EEF1E1: variants seen among roughly 807,000 people sequenced by gnomAD.
The protein encoded by EEF1E1 is eukaryotic translation elongation factor 1 epsilon 1, also known as eukaryotic translation elongation factor 1 epsilon-1.
In EEF1E1, 19 loss-of-function variants were observed where a neutral mutation model predicts 19.9. The ratio of observed to expected loss-of-function variants is 0.95; its 90% CI spans 0.66 to 1.40. EEF1E1 has a LOEUF of 1.40. Ranked by LOEUF, EEF1E1 falls within the 40% of genes most tolerant of loss-of-function variation. The pLI is 0.00. For missense variants in EEF1E1, 198 were observed against 202.2 expected, an observed-to-expected ratio of 0.98 and a Z score of 0.13; for synonymous variants, 81 against 80.0, an observed-to-expected ratio of 1.01 and a Z score of -0.07.
At chr6:8,075,554 T>A (rs1402448983), downstream of EEF1E1, among the ~76,000 whole-genome samples, 1 of 152,090 alleles carries the variant, frequency 6.6e-6, no homozygotes, top group Non-Finnish European at 1.5e-5. Context: ...GCACCTTAAC[T>A]AAAAAAAATT....
intron 3 of EEF1E1, among the ~76,000 whole-genome samples, chr6:8,080,787 C>T (rs1255828208): frequency 2.0e-5 from 3 of 152,194 alleles, no homozygotes; most frequent in African/African-American, 7.2e-5. Context: ...TGGGTGGTGT[C>T]GTTCCTTCTC....
chr6:8,087,375 G>A (rs1369551411), intron 3 of EEF1E1, among the ~76,000 whole-genome samples: 3 of 152,326 alleles, frequency 2.0e-5, no homozygotes, highest in East Asian at 1.9e-4. Flanking sequence ...GCGCCACCAC[G>A]CCTGGCTGAT....
chr6:8,077,489 T>G (rs1757628349), downstream of EEF1E1, among the ~76,000 whole-genome samples: 1 of 152,228 alleles, frequency 6.6e-6, no homozygotes, highest in Non-Finnish European at 1.5e-5. Flanking sequence ...ACCCATGATC[T>G]TAGCTAGATC....
chr6:8,086,309 G>A (rs1757852647), intron 3 of EEF1E1, among the ~76,000 whole-genome samples: 1 of 152,112 alleles, frequency 6.6e-6, no homozygotes, highest in Non-Finnish European at 1.5e-5. Context: ...TGAATTTTCT[G>A]GTTACAATCC....
Position 8,095,945 on chromosome 6 carries a change from C to T in EEF1E1, c.288+1322G>A, listed in dbSNP as rs565800130. Among the ~76,000 whole-genome samples the T allele has an allele frequency of 5.3e-5, 8 of 152,286 alleles. No individual in the cohort carries two copies. In the East Asian group the frequency reaches 1.5e-3, roughly 29 times the overall value. Reference sequence around the variant, plus strand: ...AATGCACCACCAGCCCTTAGAACTGCATCCTGGTGCACTGCAAGCGTTTAT... The same window carrying T: ...AATGCACCACCAGCCCTTAGAACTGTATCCTGGTGCACTGCAAGCGTTTAT... On this transcript the variant is annotated intron_variant, in intron 2 of 3. Transcript: ENST00000379715.
intron 1 of EEF1E1, among the ~76,000 whole-genome samples, chr6:8,099,403 C>G (rs1427524084): frequency 6.6e-6 from 1 of 152,168 alleles, no homozygotes; most frequent in Non-Finnish European, 1.5e-5. Context: ...GAGCAATAGG[C>G]TATATCATAT....
At position 8,079,885 on chromosome 6, in the gene EEF1E1, A is replaced by G. The variant is rs369688934; in HGVS notation, c.*5T>C. The G allele has an allele frequency of 2.5e-6, 4 of 1,610,718 alleles. No homozygotes were observed. Among genetic ancestry groups the G allele is most frequent in the Non-Finnish European group, 3.4e-6 (4 of 1,179,034 alleles). ...AATAGATCTTCTGTATGGCATGGAC[A>G]GCTTCTAGTGGGAATTAGTATATAG... On this transcript the variant is annotated 3_prime_UTR_variant, in exon 4 of 4. Transcript: ENST00000379715.
rs1554099744 is a variant in EEF1E1, at chr6:8,099,751, AACACACAC to A, written c.88-2292_88-2285del. Among the ~76,000 whole-genome samples, 9 of 92,966 alleles carry A rather than the reference AACACACAC, an allele frequency of 9.7e-5. 1 individual carries two copies. Among genetic ancestry groups the A allele is most frequent in the Admixed American group, 2.3e-4 (2 of 8,516 alleles). The allele number at this position is 92,966 out of a possible 152,430, so 61.0% of individuals were successfully genotyped here. On this transcript the variant is annotated intron_variant, in intron 1 of 3. Transcript: ENST00000379715. ...AACAAGAGTGAAGCTCCGCCTCAAA[AACACACAC>A]ACACACACACACACACACACACACA...
chr6:8,095,968 T>C (rs1432377665), intron 2 of EEF1E1, among the ~76,000 whole-genome samples: 2 of 152,142 alleles, frequency 1.3e-5, no homozygotes, highest in Non-Finnish European at 2.9e-5. Flanking sequence ...TGCAAGCGTT[T>C]ATATAGTAGG....
At chr6:8,090,906 T>C (rs934774700) in intron 2 of EEF1E1, among the ~76,000 whole-genome samples, 36 of 152,230 alleles carry the variant, frequency 2.4e-4, no homozygotes, top group Admixed American at 2.3e-3. Context: ...TTCCACTGTA[T>C]GTACAGATCA....
rs141086037 is a variant in EEF1E1 at position 8,074,084 on chromosome 6, G to A, written c.385-574C>T. On this transcript the variant is annotated intron_variant, in intron 3 of 3. Transcript: ENST00000429723. ...AGCCTTTTGCTGTCCCCCTCTTGCTGTTTCTTTGGGTCTTAATCAGACTTG... is the reference window on the plus strand; with the variant it reads ...AGCCTTTTGCTGTCCCCCTCTTGCTATTTCTTTGGGTCTTAATCAGACTTG... Among the ~76,000 whole-genome samples, 992 of 152,268 alleles carry A rather than the reference G, an allele frequency of 6.5e-3. 13 individuals are homozygous for A. Among genetic ancestry groups the A allele is most frequent in the African/African-American group, 0.022 (922 of 41,552 alleles).
chr6:8,097,492 G>T (rs1275365761), intron 1 of EEF1E1, 25 bp from the exon 2 acceptor site: 1 of 1,589,306 alleles, frequency 6.3e-7, no homozygotes, highest in Admixed American at 1.7e-5. Flanking sequence ...AAAGTTCACA[G>T]AATTTAAAAA....
chr6:8,096,408 C>G (rs1758175719), intron 2 of EEF1E1, among the ~76,000 whole-genome samples: 2 of 152,166 alleles, frequency 1.3e-5, no homozygotes, highest in Non-Finnish European at 2.9e-5. Flanking sequence ...TTGATCACAA[C>G]AGACATACAA....
chr6:8,077,918 A>G (rs542177461), downstream of EEF1E1, among the ~76,000 whole-genome samples: 6 of 152,234 alleles, frequency 3.9e-5, no homozygotes, highest in South Asian at 1.2e-3. Flanking sequence ...CAGCCTCCCA[A>G]GTAGCTGGGA....
chr6:8,094,894 T>C (rs1758123082), intron 2 of EEF1E1, among the ~76,000 whole-genome samples: 1 of 152,240 alleles, frequency 6.6e-6, no homozygotes, highest in Non-Finnish European at 1.5e-5. Context: ...CTCCGCCTTA[T>C]GATTTTCTTA....
In EEF1E1 at chr6:8,102,378, C is replaced by T. The variant is rs117816251; in HGVS notation, c.87+57G>A. ...GTGGCCGGCCCGGGTCCTGCCAGGG[C>T]TCGGCAGGCCCCGCTCCCGTCCACC... On this transcript the variant is annotated intron_variant, in intron 1 of 3. Transcript: ENST00000379715. 48 of 1,550,692 alleles carry T rather than the reference C, an allele frequency of 3.1e-5. No individual in the cohort carries two copies. The East Asian group carries it at 9.4e-4, about 30-fold the overall frequency.
chr6:8,101,778 C>G lies in EEF1E1; in HGVS notation c.87+657G>C, dbSNP rs1439881623. On this transcript the variant is annotated intron_variant, in intron 1 of 3. Coordinates refer to ENST00000379715, the MANE Select transcript of EEF1E1 (RefSeq NM_004280.5). ...GCAATCTCATACCTTGTGATGTTTC[C>G]CGCATTCACTGTGGGTCGTAACACT... 10 of 1,289,358 alleles carry G rather than the reference C, an allele frequency of 7.8e-6. No individual in the cohort carries two copies. In the Admixed American group the frequency reaches 2.3e-4, roughly 30 times the overall value. The allele number at this position is 1,289,358 out of a possible 1,614,324, so 79.9% of individuals were successfully genotyped here.
At chr6:8,073,726 C>G (rs754539885) in intron 3 of EEF1E1, among the ~76,000 whole-genome samples, 25 of 152,298 alleles carry the variant, frequency 1.6e-4, no homozygotes, top group Middle Eastern at 6.8e-3. Context: ...GAAATGTGGT[C>G]AGTGGAAATT....
intron 2 of EEF1E1, among the ~76,000 whole-genome samples, chr6:8,096,659 G>A (rs748560050): frequency 2.0e-5 from 3 of 151,992 alleles, no homozygotes; most frequent in Non-Finnish European, 4.4e-5. Context: ...CTTAAAATCT[G>A]CCTTCTTTTT....
Sources: allele counts gnomAD v4.1 joint callset (sites outside exome capture counted in the v4.1 genomes callset), GRCh38; gene constraint gnomAD v4.1.1; transcripts MANE v1.5; gene names NCBI Gene and HGNC (gene_info 2026-07-23, HGNC 2026-07-21).